TUT1: variants seen among roughly 807,000 people sequenced by gnomAD.
TUT1 encodes speckle targeted PIP5K1A-regulated poly(A) polymerase.
A neutral mutation model predicts 48.8 loss-of-function variants in TUT1; 26 were observed. That is an observed-to-expected ratio of 0.53 (90% CI 0.39 to 0.74). TUT1 has a LOEUF of 0.74. Among genes scored for constraint, TUT1 ranks in the 30% least tolerant of loss-of-function variants. The probability of loss-of-function intolerance (pLI) is 0.00; values close to 1 mark genes in which losing one functional copy is unlikely to be tolerated. For synonymous variants in TUT1, 470 were observed against 460.8 expected, an observed-to-expected ratio of 1.02 and a Z score of -0.26; for missense variants, 1,065 against 1,114.8, an observed-to-expected ratio of 0.96 and a Z score of 0.64.
chr11:62,578,533 A>G (rs2134305400), intron 5 of TUT1, 28 bp downstream of exon 5: 1 of 1,551,656 alleles, frequency 6.4e-7, no homozygotes, highest in East Asian at 2.3e-5. Flanking sequence ...CAACGAGTGA[A>G]ATGTCGTCTC....
chr11:62,590,534 G>A (rs533770903), intron 1 of TUT1, among the ~76,000 whole-genome samples: 2 of 152,248 alleles, frequency 1.3e-5, no homozygotes, highest in African/African-American at 4.8e-5. Flanking sequence ...CTACACGGGA[G>A]GCTGAGGCAG....
At chr11:62,587,712 G>A (rs934674171) in intron 2 of TUT1, among the ~76,000 whole-genome samples, 1 of 152,162 alleles carries the variant, frequency 6.6e-6, no homozygotes, top group Non-Finnish European at 1.5e-5. Flanking sequence ...ACAAACACAG[G>A]CTCCACCCCA....
At chr11:62,582,482 A>G (rs1590720330) in intron 2 of TUT1, 1 of 375,398 alleles carries the variant, frequency 2.7e-6, no homozygotes, top group South Asian at 1.9e-5. Flanking sequence ...TGTAGTTCCA[A>G]TTACTTGGGA....
At chr11:62,577,480 T>G (rs368353306) in intron 5 of TUT1, among the ~76,000 whole-genome samples, 189 bp from the exon 6 acceptor site, 1 of 151,810 alleles carries the variant, frequency 6.6e-6, no homozygotes. Flanking sequence ...CACTTCATCC[T>G]GTACGCCCAT....
intron 1 of TUT1, among the ~76,000 whole-genome samples, 179 bp from the exon 2 acceptor site, chr11:62,589,400 CT>C (rs879925819): frequency 6.7e-5 from 10 of 150,068 alleles, no homozygotes; most frequent in Non-Finnish European, 1.2e-4. Context: ...ATAGTACATT[CT>C]TTTTTTTTTA....
chr11:62,576,237 C>G lies in TUT1; in HGVS notation c.1482G>C (p.Leu494=). The part of the protein sequence containing the change: ...PSINVEPLSS[L]LAQFFSCVSC... ...ATACACAGGAGAAGAACTGGGCTAG[C>G]AGGGAACCTGGAGGAGGAGGAAGAG... The change falls in exon 9 of 9, where the codon CTG becomes CTC. Residue 494 remains leucine (L), a synonymous_variant. Transcript: ENST00000476907. 1 of 1,578,974 alleles carries G rather than the reference C, an allele frequency of 6.3e-7. No homozygotes were observed. The highest frequency in any genetic ancestry group is 1.1e-5 in the South Asian group (1 of 87,632).
intron 1 of TUT1, 75 bp downstream of exon 1, chr11:62,591,329 T>C: frequency 6.7e-7 from 1 of 1,484,574 alleles, no homozygotes; most frequent in Non-Finnish European, 8.9e-7. Flanking sequence ...TGACTACCTA[T>C]AACCCTAACT....
At chr11:62,589,355 C>G in intron 1 of TUT1, 134 bp from the exon 2 acceptor site, 1 of 695,358 alleles carries the variant, frequency 1.4e-6, no homozygotes, top group South Asian at 2.0e-5. Context: ...AAAGTCCTGG[C>G]TCCTTTCACC....
At chr11:62,579,089 C>G in intron 4 of TUT1, 59 bp from the exon 5 acceptor site, 1 of 1,287,412 alleles carries the variant, frequency 7.8e-7, no homozygotes, top group Non-Finnish European at 1.0e-6. Flanking sequence ...AGGGATCTCT[C>G]AAGATAATAT....
intron 7 of TUT1, 57 bp from the exon 8 acceptor site, chr11:62,576,806 G>A: frequency 1.3e-6 from 2 of 1,599,020 alleles, no homozygotes; most frequent in Non-Finnish European, 1.7e-6. Flanking sequence ...GAGGGTGGGG[G>A]TAGAGAGATC....
chr11:62,589,543 ACAG>A (rs1170854702), intron 1 of TUT1, among the ~76,000 whole-genome samples: 4 of 152,178 alleles, frequency 2.6e-5, no homozygotes, highest in African/African-American at 9.7e-5. Flanking sequence ...AGGTGGGACT[ACAG>A]GCGTGTGTCA....
Position 62,575,694 on chromosome 11 carries a change from C to T in TUT1, c.2025G>A (p.Glu675=), listed in dbSNP as rs1251284232. The change falls in exon 9 of 9, where the codon GAG becomes GAA. Residue 675 remains glutamate, a synonymous_variant. Coordinates refer to ENST00000476907, the MANE Select transcript of TUT1 (RefSeq NM_022830.3). The part of the protein sequence containing the change: ...GQKNCCEEGK[E]EQQGCAGDGG... The stretch of plus-strand genomic sequence containing the variant: ...CGTCCCCTGCACATCCCTGCTGCTC[C>T]TCTTTCCCCTCCTCACAGCAGTTTT... The T allele has an allele frequency of 5.0e-6, 8 of 1,614,116 alleles. No individual in the cohort carries two copies. The highest frequency in any genetic ancestry group is 4.4e-5 in the South Asian group (4 of 91,094).
In TUT1 at chr11:62,579,018, C is replaced by G. The variant is rs1405968106; in HGVS notation, c.703G>C (p.Ala235Pro). 4.6e-6 allele frequency: 7 copies of G among 1,511,402 alleles called. No homozygotes were observed. The Admixed American group carries it at 1.4e-4, about 30-fold the overall frequency. The allele number at this position is 1,511,402 out of a possible 1,614,324, so 93.6% of individuals were successfully genotyped here. A position where few individuals can be genotyped will look rare whatever the true frequency, so the allele number is the denominator to read the frequency against. Residue 235 changes from alanine to proline, a missense_variant, in exon 5 of 9, where the codon GCT (alanine) becomes CCT (proline). Transcript: ENST00000476907. ...GAGTCCAGCGATGGAGATTCTGGAG[C>G]CTTTGGGACTGGCTGTGGACAGAAA... ...DLEEPQPVPKAPESPSLDSAL... is the reference protein window; with the variant it reads ...DLEEPQPVPKPPESPSLDSAL...
In TUT1 at chr11:62,575,921, G is replaced by A; in HGVS notation, c.1798C>T (p.Pro600Ser). 6.2e-7 allele frequency: 1 copy of A among 1,614,212 alleles called. No individual in the cohort carries two copies. Among genetic ancestry groups the A allele is most frequent in the Non-Finnish European group, 8.5e-7 (1 of 1,180,034 alleles). ...GLLPLLQPSS[P>S]SSLLSATPIP... is the part of the protein sequence containing the mutation. ...GGCGTAGCAGAGAGCAGGGAGCTGG[G>A]GGAGCTGGGCTGCAGAAGAGGGAGC... Residue 600 changes from proline to serine, a missense_variant, in exon 9 of 9, where the codon CCC (proline) becomes TCC (serine). Transcript: ENST00000476907.
chr11:62,577,211 C>G lies in TUT1; in HGVS notation c.1241G>C (p.Arg414Pro), dbSNP rs374285959. The change falls in exon 6 of 9, where the codon CGC (arginine) becomes CCC (proline). Residue 414 changes from arginine (R) to proline (P), a missense_variant. Coordinates refer to ENST00000476907, the MANE Select transcript of TUT1 (RefSeq NM_022830.3). ...GRVRPLVYTL[R>P]CWAQGRGLSG... is the part of the protein sequence containing the mutation. ...CAGCCCCCGACCCTGAGCCCAGCAG[C>G]GGAGGGTGTACACGAGGGGCCGGAC... The G allele has an allele frequency of 5.6e-6, 9 of 1,610,394 alleles. No individual in the cohort carries two copies. The highest frequency in any genetic ancestry group is 7.6e-6 in the Non-Finnish European group (9 of 1,178,928).
At position 62,586,691 on chromosome 11, in the gene TUT1, G is replaced by A. The variant is rs991840612; in HGVS notation, c.273+2340C>T. Among the ~76,000 whole-genome samples the A allele has an allele frequency of 4.0e-5, 6 of 151,878 alleles. No homozygotes were observed. In the East Asian group the frequency reaches 5.9e-4, roughly 15 times the overall value. ...AGCACTTTGAGAGGCCGAGGTAGGC[G>A]GATCACCTGAGGTCAGAAGTTCGAG... On this transcript the variant is annotated intron_variant, in intron 2 of 8. Coordinates refer to ENST00000476907, the MANE Select transcript of TUT1 (RefSeq NM_022830.3).
chr11:62,589,426 AAC>A (rs764685706), intron 1 of TUT1, among the ~76,000 whole-genome samples: 1 of 151,786 alleles, frequency 6.6e-6, no homozygotes, highest in Non-Finnish European at 1.5e-5. Flanking sequence ...ATTTTTTTTA[AAC>A]AGAGTCTCAC....
intron 2 of TUT1, among the ~76,000 whole-genome samples, chr11:62,584,518 A>G (rs1377546507): frequency 2.1e-5 from 3 of 139,808 alleles, no homozygotes; most frequent in Non-Finnish European, 4.6e-5. Context: ...CTTGGCTCAC[A>G]GCAACCTCTG....
rs188104934 is a variant in TUT1 at position 62,582,468 on chromosome 11, C to T, written c.274-767G>A. 3.3e-4 allele frequency: 113 copies of T among 346,218 alleles called. 1 individual carries two copies. Among genetic ancestry groups the T allele is most frequent in the East Asian group, 3.1e-3 (33 of 10,684 alleles). The allele number at this position is 346,218 out of a possible 1,614,324, so 21.4% of individuals were successfully genotyped here. On this transcript the variant is annotated intron_variant, in intron 2 of 8. Coordinates refer to ENST00000476907, the MANE Select transcript of TUT1 (RefSeq NM_022830.3). ...AAAATTAGCCAGGCATGGCAGCACA[C>T]ACCTGTAGTTCCAATTACTTGGGAG... is the stretch of plus-strand genomic sequence containing the variant.
Sources: allele counts gnomAD v4.1 joint callset (sites outside exome capture counted in the v4.1 genomes callset), GRCh38; gene constraint gnomAD v4.1.1; transcripts MANE v1.5; gene names NCBI Gene and HGNC (gene_info 2026-07-23, HGNC 2026-07-21).